Variants in RARB observed in about 807,000 individuals in gnomAD.
The protein encoded by RARB is HBV-activated protein.
In RARB, 17 loss-of-function variants were observed where a neutral mutation model predicts 51.9. The observed-to-expected ratio is 0.33, with a 90% confidence interval of 0.22 to 0.49. RARB has a LOEUF of 0.49. Among genes scored for constraint, RARB ranks in the 20% least tolerant of loss-of-function variants. RARB has a pLI of 0.99. For synonymous variants in RARB, 215 were observed against 195.4 expected (o/e 1.10, Z -0.84); for missense variants, 369 against 550.8 (o/e 0.67, Z 3.30).
intron 4 of RARB, 63 bp from the exon 5 acceptor site, chr3:25,580,483 A>G: frequency 7.1e-7 from 1 of 1,398,742 alleles, no homozygotes; most frequent in Non-Finnish European, 9.7e-7. Context: ...AACACATTGA[A>G]TTTCTCCCCT....
intron 2 of RARB, among the ~76,000 whole-genome samples, chr3:25,480,449 A>G (rs1696169149): frequency 6.6e-6 from 1 of 152,152 alleles, no homozygotes; most frequent in Non-Finnish European, 1.5e-5. Context: ...TCCCTTTAGG[A>G]ACATGATTTT....
At chr3:25,365,609 CA>C (rs1162501683) in intron 5 of RARB, among the ~76,000 whole-genome samples, 1 of 151,886 alleles carries the variant, frequency 6.6e-6, no homozygotes, top group Non-Finnish European at 1.5e-5. Context: ...AGGGTCTCAG[CA>C]AAAAAATGTC....
chr3:24,830,180 A>G (rs545028727), intron 1 of RARB, among the ~76,000 whole-genome samples: 1 of 152,166 alleles, frequency 6.6e-6, no homozygotes, highest in South Asian at 2.1e-4. Context: ...CTTTGGCAGG[A>G]AGAGGCTGTG....
chr3:25,023,806 A>AT (rs1697688420), intron 2 of RARB, among the ~76,000 whole-genome samples: 1 of 152,190 alleles, frequency 6.6e-6, no homozygotes, highest in African/African-American at 2.4e-5. Context: ...AAATGACAAC[A>AT]TAACAATCTG....
At chr3:24,957,162 C>G (rs376083147) in intron 2 of RARB, among the ~76,000 whole-genome samples, 8 of 152,110 alleles carry the variant, frequency 5.3e-5, no homozygotes, top group Admixed American at 2.0e-4. Context: ...TAATGAGTGC[C>G]TCACTTCTGA....
At chr3:25,343,620 T>C (rs7615094) in intron 5 of RARB, among the ~76,000 whole-genome samples, 18,257 of 152,140 alleles carry the variant, frequency 0.12, 1,208 homozygotes, top group South Asian at 0.2. Context: ...AAATACATTC[T>C]TTAATTTGAG....
chr3:24,972,108 A>G (rs1042581442), intron 2 of RARB, among the ~76,000 whole-genome samples: 3 of 151,690 alleles, frequency 2.0e-5, no homozygotes, highest in African/African-American at 7.3e-5. Flanking sequence ...CTAACTGTAT[A>G]TTTGCACCCA....
intron 2 of RARB, among the ~76,000 whole-genome samples, chr3:25,015,138 T>G (rs1261078275): frequency 6.6e-6 from 1 of 152,176 alleles, no homozygotes; most frequent in East Asian, 1.9e-4. Context: ...ATATACAATA[T>G]GCTGAAGAAT....
chr3:24,877,511 CCTA>C (rs150327050), intron 2 of RARB, among the ~76,000 whole-genome samples: 3,566 of 152,036 alleles, frequency 0.023, 79 homozygotes, highest in Middle Eastern at 0.065. Context: ...ACTTCATCCT[CCTA>C]CACAAAATCC....
At chr3:25,392,289 T>C (rs1158701216) in intron 5 of RARB, among the ~76,000 whole-genome samples, 2 of 152,314 alleles carry the variant, frequency 1.3e-5, no homozygotes, top group Non-Finnish European at 2.9e-5. Context: ...TTGATGACCA[T>C]AGCCTTATAG....
At chr3:25,239,839 A>G (rs1415081015) in intron 5 of RARB, among the ~76,000 whole-genome samples, 1 of 152,088 alleles carries the variant, frequency 6.6e-6, no homozygotes, top group African/African-American at 2.4e-5. Flanking sequence ...TTACATTGGT[A>G]TTTTGACAGA....
intron 4 of RARB, among the ~76,000 whole-genome samples, chr3:25,140,982 A>G (rs977939770): frequency 6.6e-6 from 1 of 152,188 alleles, no homozygotes; most frequent in Non-Finnish European, 1.5e-5. Context: ...CACACTTAAT[A>G]TACTCAAGTA....
chr3:25,252,884 G>A lies in RARB; in HGVS notation c.178+78309G>A, dbSNP rs146302701. The stretch of plus-strand genomic sequence containing the variant: ...TATGGATCTTCTTTTATCTGGCACC[G>A]TGGCTTTTACTTTCCCTTCTCTTCA... On this transcript the variant is annotated intron_variant, in intron 5 of 11. Transcript: ENST00000383772. 1.3e-3 allele frequency among the ~76,000 whole-genome samples: 201 copies of A among 152,200 alleles called. 1 individual carries two copies. Among genetic ancestry groups the A allele is most frequent in the African/African-American group, 4.7e-3 (197 of 41,536 alleles).
At chr3:25,305,258 A>G (rs1397150745) in intron 5 of RARB, among the ~76,000 whole-genome samples, 1 of 152,110 alleles carries the variant, frequency 6.6e-6, no homozygotes, top group African/African-American at 2.4e-5. Flanking sequence ...GTTTAACTGT[A>G]GGAGGAGAGG....
chr3:25,071,560 G>A (rs1439460149), intron 3 of RARB, among the ~76,000 whole-genome samples: 2 of 152,132 alleles, frequency 1.3e-5, no homozygotes, highest in Non-Finnish European at 1.5e-5. Context: ...TACTGCTTTG[G>A]AAACTTAGTT....
chr3:25,451,522 A>T (rs1014341769), intron 1 of RARB, among the ~76,000 whole-genome samples: 7 of 152,232 alleles, frequency 4.6e-5, no homozygotes, highest in Non-Finnish European at 8.8e-5. Flanking sequence ...GCATACCTGT[A>T]AGAAACAAAA....
At chr3:25,226,369 TA>T (rs1262913449) in intron 5 of RARB, among the ~76,000 whole-genome samples, 1 of 152,210 alleles carries the variant, frequency 6.6e-6, no homozygotes, top group African/African-American at 2.4e-5. Flanking sequence ...AATTTAGTTT[TA>T]CCCCTAAATA....
At chr3:25,004,883 G>T (rs747471564) in intron 2 of RARB, among the ~76,000 whole-genome samples, 1 of 152,096 alleles carries the variant, frequency 6.6e-6, no homozygotes, top group Admixed American at 6.6e-5. Context: ...TTCAAATAGT[G>T]TCAGAACAGT....
At chr3:25,508,714 C>T (rs1244769514) in intron 3 of RARB, among the ~76,000 whole-genome samples, 1 of 151,996 alleles carries the variant, frequency 6.6e-6, no homozygotes, top group Non-Finnish European at 1.5e-5. Flanking sequence ...ACCATTAACC[C>T]CCACCTTCTC....
Sources: allele counts gnomAD v4.1 joint callset (sites outside exome capture counted in the v4.1 genomes callset), GRCh38; gene constraint gnomAD v4.1.1; transcripts MANE v1.5; gene names NCBI Gene and HGNC (gene_info 2026-07-23, HGNC 2026-07-21).